Variants in ZC3H4 observed in about 807,000 individuals in gnomAD.
The protein encoded by ZC3H4 is zinc finger CCCH-type containing 4.
A neutral mutation model predicts 108.3 loss-of-function variants in ZC3H4; 13 were observed. That is an observed-to-expected ratio of 0.12 (90% confidence interval 0.08 to 0.19). The LOEUF (loss-of-function observed/expected upper bound fraction) is 0.19. Ranked by LOEUF, ZC3H4 falls within the 10% of genes least tolerant of loss-of-function variation. The pLI, the probability that ZC3H4 is intolerant of heterozygous loss-of-function variation, is 1.00. For synonymous variants in ZC3H4, 917 were observed against 749.6 expected (o/e 1.22, Z -3.65); for missense variants, 1,734 against 1,838.8 (o/e 0.94, Z 1.04).
At chr19:47,095,126 C>T (rs2057800944) in intron 2 of ZC3H4, among the ~76,000 whole-genome samples, 1 of 152,218 alleles carries the variant, frequency 6.6e-6, no homozygotes, top group South Asian at 2.1e-4. Flanking sequence ...GGATTGCCTG[C>T]TGGGCCCCGG....
Position 47,066,976 on chromosome 19 carries a change from C to G in ZC3H4, c.3292G>C (p.Gly1098Arg). 6.3e-7 allele frequency: 1 copy of G among 1,589,448 alleles called. No homozygotes were observed. Among genetic ancestry groups the G allele is most frequent in the Non-Finnish European group, 8.6e-7 (1 of 1,168,182 alleles). Residue 1098 changes from glycine to arginine, a missense_variant, in exon 15 of 15, where the codon GGC (glycine) becomes CGC (arginine). Around this residue, in one of 9 missense-constraint regions of ZC3H4, gnomAD observed 518 missense variants for 499.6 expected, o/e 1.04. Transcript: ENST00000253048. ...GTGGGAGAGGGCGCCTCAGCAGGGC[C>G]GGGCTTGGCAGCCCGGGAGGAGGCC... The part of the protein sequence containing the change: ...STASSRAAKP[G>R]PAEAPSPTAS...
chr19:47,113,690 C>T (rs2058067714), intron 1 of ZC3H4, 30 bp downstream of exon 1: 1 of 151,894 alleles, frequency 6.6e-6, no homozygotes. Context: ...GGAAGGAATT[C>T]AGGCTACGGA....
chr19:47,100,092 C>T (rs941383265), intron 2 of ZC3H4, among the ~76,000 whole-genome samples: 14 of 152,160 alleles, frequency 9.2e-5, no homozygotes, highest in African/African-American at 2.9e-4. Flanking sequence ...TGCAGAAGTC[C>T]AGGATCCCCA....
intron 11 of ZC3H4, among the ~76,000 whole-genome samples, chr19:47,078,224 TTAAA>T (rs770404632): frequency 2.6e-5 from 4 of 152,200 alleles, no homozygotes; most frequent in Non-Finnish European, 5.9e-5. Flanking sequence ...AGATATATTG[TTAAA>T]ATTAATTTCA....
chr19:47,069,049 G>T, intron 14 of ZC3H4, 43 bp downstream of exon 14: 1 of 1,600,420 alleles, frequency 6.2e-7, no homozygotes. Flanking sequence ...CCCCTGCACA[G>T]CGGCCTGGGG....
Position 47,066,709 on chromosome 19 carries a change from C to T in ZC3H4, c.3559G>A (p.Glu1187Lys). 6.2e-7 allele frequency: 1 copy of T among 1,608,956 alleles called. No individual in the cohort carries two copies. The highest frequency in any genetic ancestry group is 1.1e-5 in the South Asian group (1 of 90,328). ...GCAGACTTGCGGACGAACGGGGGCT[C>T]CTTAGCCTTGGAGGCCGAGCTCTTG... ...NGKSSASKAKEPPFVRKSALE... is the reference protein window; with the variant it reads ...NGKSSASKAKKPPFVRKSALE... Residue 1187 changes from glutamate (E) to lysine (K), a missense_variant, in exon 15 of 15, where the codon GAG (glutamate) becomes AAG (lysine). By Grantham distance (56) the Glu-to-Lys change is moderately conservative. This residue lies in a region of ZC3H4 where 518 missense variants were observed against 499.6 expected (regional missense o/e 1.04). Transcript: ENST00000253048.
chr19:47,097,757 G>C (rs2123031944), intron 2 of ZC3H4, among the ~76,000 whole-genome samples: 1 of 152,188 alleles, frequency 6.6e-6, no homozygotes, highest in Non-Finnish European at 1.5e-5. Flanking sequence ...AAGAAAAGTG[G>C]GGGAAGCCCC....
At position 47,067,042 on chromosome 19, in the gene ZC3H4, C is replaced by T; in HGVS notation, c.3226G>A (p.Ala1076Thr). ...TTCTGCAGCCGAGGGTCGGTGGGGG[C>T]CTTCCGCACCCGGGGGTCACTGGGT... is the stretch of plus-strand genomic sequence containing the variant. ...DKPSDPRVRKAPTDPRLQKPT... is the reference protein window; with the variant it reads ...DKPSDPRVRKTPTDPRLQKPT... The change falls in exon 15 of 15, where the codon GCC (alanine) becomes ACC (threonine). Residue 1076 changes from alanine (A) to threonine (T), a missense_variant. By Grantham distance (58) the Ala-to-Thr change is moderately conservative. This residue lies in a region of ZC3H4 where 518 missense variants were observed against 499.6 expected (regional missense o/e 1.04). Coordinates refer to ENST00000253048, the MANE Select transcript of ZC3H4 (RefSeq NM_015168.2). The surrounding 1 kb of genome is among the most constrained non-coding windows in gnomAD (Gnocchi z 6.4). 1 of 1,604,080 alleles carries T rather than the reference C, an allele frequency of 6.2e-7. No individual in the cohort carries two copies. The highest frequency in any genetic ancestry group is 8.5e-7 in the Non-Finnish European group (1 of 1,175,116).
intron 2 of ZC3H4, among the ~76,000 whole-genome samples, chr19:47,106,461 AG>A (rs1437956500): frequency 4.6e-5 from 7 of 152,216 alleles, no homozygotes; most frequent in African/African-American, 1.7e-4. Flanking sequence ...TCAATAAAAG[AG>A]AAAAAACAAA....
intron 2 of ZC3H4, among the ~76,000 whole-genome samples, chr19:47,109,998 G>A (rs990174773): frequency 1.3e-5 from 2 of 152,186 alleles, no homozygotes; most frequent in Admixed American, 6.5e-5. Flanking sequence ...ATGACTGGGC[G>A]TGTAACACGT....
At chr19:47,094,715 G>T in intron 2 of ZC3H4, 107 bp from the exon 3 acceptor site, 1 of 1,132,402 alleles carries the variant, frequency 8.8e-7, no homozygotes, top group Non-Finnish European at 1.3e-6. Flanking sequence ...ACTGCTGTGA[G>T]CGAAGTGAGA....
chr19:47,065,531 G>C lies in ZC3H4; in HGVS notation c.*825C>G. On this transcript the variant is annotated 3_prime_UTR_variant, in exon 15 of 15. Coordinates refer to ENST00000253048, the MANE Select transcript of ZC3H4 (RefSeq NM_015168.2). Reference sequence around the variant, plus strand: ...AAGCAGGGTGTGGCCCACCTGATAGGACAGGTGGGGTAATACTGACAGAAC... The same window carrying C: ...AAGCAGGGTGTGGCCCACCTGATAGCACAGGTGGGGTAATACTGACAGAAC... 1 of 152,848 alleles carries C rather than the reference G, an allele frequency of 6.5e-6. No homozygotes were observed. Among genetic ancestry groups the C allele is most frequent in the African/African-American group, 2.4e-5 (1 of 41,542 alleles). The allele number at this position is 152,848 out of a possible 1,614,324, so 9.5% of individuals were successfully genotyped here.
intron 2 of ZC3H4, among the ~76,000 whole-genome samples, chr19:47,111,342 G>A (rs1298304666): frequency 1.3e-5 from 2 of 152,234 alleles, no homozygotes; most frequent in South Asian, 2.1e-4. Flanking sequence ...CCGCCAGCCA[G>A]AGAAGGGCGT....
chr19:47,101,744 G>T (rs1600104684), intron 2 of ZC3H4, among the ~76,000 whole-genome samples: 1 of 151,886 alleles, frequency 6.6e-6, no homozygotes, highest in East Asian at 2.0e-4. Flanking sequence ...GGTGGCGCAC[G>T]ACTGTAATCC....
intron 1 of ZC3H4, chr19:47,113,326 G>C (rs1425634216): frequency 3.9e-5 from 6 of 153,438 alleles, no homozygotes. Flanking sequence ...GCGAGGAGGC[G>C]ACGGGGGAGA....
At chr19:47,110,545 G>C (rs2123120085) in intron 2 of ZC3H4, among the ~76,000 whole-genome samples, 1 of 152,276 alleles carries the variant, frequency 6.6e-6, no homozygotes. Context: ...TCACTCTCAA[G>C]CATCACTTTG....
chr19:47,083,763 TTCCCAAGACAGATGCAGGGG>T (rs2057565675), intron 9 of ZC3H4, among the ~76,000 whole-genome samples: 2 of 152,344 alleles, frequency 1.3e-5, no homozygotes, highest in South Asian at 4.1e-4. Context: ...CATCTATTTC[TTCCCAAGACAGATGCAGGGG>T]TGCAGTGTGC....
At chr19:47,105,588 G>GA (rs767326575) in intron 2 of ZC3H4, among the ~76,000 whole-genome samples, 117 of 152,254 alleles carry the variant, frequency 7.7e-4, no homozygotes, top group Non-Finnish European at 1.2e-4. Flanking sequence ...GACAGAGCAA[G>GA]ATTCTGTCTC....
chr19:47,085,438 AG>A, intron 6 of ZC3H4, 24 bp from the exon 7 acceptor site: 1 of 1,541,850 alleles, frequency 6.5e-7, no homozygotes, highest in Non-Finnish European at 8.7e-7. Flanking sequence ...AGGAGAGGGC[AG>A]GAGAGCGTCA....
Sources: allele counts gnomAD v4.1 joint callset (sites outside exome capture counted in the v4.1 genomes callset), GRCh38; gene constraint gnomAD v4.1.1; regional missense constraint gnomAD v4.1.1; non-coding constraint Gnocchi (gnomAD v3.1); transcripts MANE v1.5; gene names NCBI Gene and HGNC (gene_info 2026-07-23, HGNC 2026-07-21).